MINDY4: variants seen among roughly 807,000 people sequenced by gnomAD.
MINDY4 encodes probable ubiquitin carboxyl-terminal hydrolase MINDY-4.
Under a neutral mutation model 87.0 loss-of-function variants are expected in MINDY4, and 68 were observed. The ratio of observed to expected loss-of-function variants is 0.78; its 90% CI spans 0.64 to 0.96. The LOEUF (loss-of-function observed/expected upper bound fraction) is 0.96, where lower values mean the gene tolerates loss of function less well. MINDY4 is among the 40% of genes least tolerant of loss of function. MINDY4 has a pLI of 0.00. For missense variants in MINDY4, 919 were observed against 928.2 expected (o/e 0.99, Z 0.13); for synonymous variants, 379 against 363.2 (o/e 1.04, Z -0.50).
intron 5 of MINDY4, among the ~76,000 whole-genome samples, chr7:30,808,116 G>T (rs1232383602): frequency 6.6e-6 from 1 of 152,190 alleles, no homozygotes; most frequent in Non-Finnish European, 1.5e-5. Flanking sequence ...TCCTGAGAGC[G>T]CTCCCGGGTA....
rs1217171661 is a variant in MINDY4, at chr7:30,771,517, G to A, written c.24G>A (p.Glu8=). The change falls in exon 1 of 18, where the codon GAG becomes GAA. Residue 8 remains glutamate (E), a synonymous_variant. Transcript: ENST00000265299. MDSLFVE[E]VAASLVREFL... ...CCATGGACAGCCTCTTCGTGGAGGA[G>A]GTGGCCGCCTCCTTGGTCAGGGAGT... 6.2e-7 allele frequency: 1 copy of A among 1,605,758 alleles called. No homozygotes were observed. The highest frequency in any genetic ancestry group is 1.7e-5 in the Admixed American group (1 of 58,702).
Position 30,771,451 on chromosome 7 carries a change from GC to G in MINDY4, c.-42del, listed in dbSNP as rs1786629142. 5.1e-6 allele frequency: 8 copies of G among 1,582,004 alleles called. No homozygotes were observed. In the South Asian group the frequency reaches 8.1e-5, roughly 16 times the overall value. ...CGGACAGACCCAGTTGCCTGGTGCT[GC>G]GGCCCGGCGTGGGCCTCGTGGGCAG... is the stretch of plus-strand genomic sequence containing the variant. On this transcript the variant is annotated 5_prime_UTR_variant, in exon 1 of 18. Coordinates refer to ENST00000265299, the MANE Select transcript of MINDY4 (RefSeq NM_032222.3).
At chr7:30,795,564 C>A (rs1787461743) in intron 5 of MINDY4, among the ~76,000 whole-genome samples, 1 of 152,174 alleles carries the variant, frequency 6.6e-6, no homozygotes, top group African/African-American at 2.4e-5. Flanking sequence ...GACCAGATGA[C>A]CTGACAGTAT....
At chr7:30,837,033 C>T (rs1057450020) in intron 7 of MINDY4, among the ~76,000 whole-genome samples, 7 of 152,160 alleles carry the variant, frequency 4.6e-5, no homozygotes, top group Admixed American at 3.9e-4. Flanking sequence ...AGAGCTGCTT[C>T]ATCATGTCCC....
At chr7:30,773,347 G>A (rs1786702649) in intron 1 of MINDY4, among the ~76,000 whole-genome samples, 2 of 152,132 alleles carry the variant, frequency 1.3e-5, no homozygotes, top group African/African-American at 2.4e-5. Flanking sequence ...GTGAGACCAG[G>A]AGGCCAAGAA....
intron 1 of MINDY4, among the ~76,000 whole-genome samples, chr7:30,773,151 T>C (rs1443601328): frequency 6.6e-6 from 1 of 152,242 alleles, no homozygotes; most frequent in Non-Finnish European, 1.5e-5. Context: ...CATCGCCTTC[T>C]GCTCTAGGGC....
rs539085891 is a variant in MINDY4 at position 30,862,012 on chromosome 7, C to T, written c.1745+2688C>T. 2.0e-5 allele frequency among the ~76,000 whole-genome samples: 3 copies of T among 152,330 alleles called. No homozygotes were observed. In the East Asian group the frequency reaches 5.8e-4, roughly 29 times the overall value. Reference sequence around the variant, plus strand: ...TTCAGAGGTGTACTTGAGAAGACACCCAGCTCTCTCTGATTTGTTCAAGTT... The same window carrying T: ...TTCAGAGGTGTACTTGAGAAGACACTCAGCTCTCTCTGATTTGTTCAAGTT... On this transcript the variant is annotated intron_variant, in intron 13 of 17. Transcript: ENST00000265299.
At chr7:30,836,187 A>G (rs1191496697) in intron 6 of MINDY4, among the ~76,000 whole-genome samples, 1 of 152,246 alleles carries the variant, frequency 6.6e-6, no homozygotes, top group African/African-American at 2.4e-5. Context: ...ATTATATGCA[A>G]TAATTATTTT....
intron 5 of MINDY4, among the ~76,000 whole-genome samples, chr7:30,823,289 C>T (rs1197976462): frequency 1.3e-5 from 2 of 152,158 alleles, no homozygotes; most frequent in Non-Finnish European, 2.9e-5. Flanking sequence ...AAAAACCTTC[C>T]ATCCAGTTGT....
At chr7:30,869,926 C>A (rs1022307795) in intron 13 of MINDY4, among the ~76,000 whole-genome samples, 2 of 152,178 alleles carry the variant, frequency 1.3e-5, no homozygotes, top group Admixed American at 1.3e-4. Flanking sequence ...CTCAAGGACT[C>A]CTCACACTCA....
At chr7:30,836,211 C>T (rs1030197839) in intron 6 of MINDY4, among the ~76,000 whole-genome samples, 1 of 152,210 alleles carries the variant, frequency 6.6e-6, no homozygotes, top group African/African-American at 2.4e-5. Context: ...AGCAATGGTT[C>T]CATTTTCTTT....
intron 17 of MINDY4, among the ~76,000 whole-genome samples, chr7:30,891,262 G>A (rs554202029): frequency 1.3e-5 from 2 of 152,238 alleles, no homozygotes; most frequent in Admixed American, 6.5e-5. Flanking sequence ...AGTGTTTTTA[G>A]AAAATTAGCA....
At chr7:30,871,651 G>C (rs1371530884) in intron 13 of MINDY4, among the ~76,000 whole-genome samples, 1 of 152,228 alleles carries the variant, frequency 6.6e-6, no homozygotes, top group Non-Finnish European at 1.5e-5. Context: ...AGTGGTACCA[G>C]GGGGTGGGGG....
At chr7:30,784,821 A>G (rs6976222) in intron 3 of MINDY4, among the ~76,000 whole-genome samples, 90,499 of 151,948 alleles carry the variant, frequency 0.6, 27,482 homozygotes, top group South Asian at 0.74. Context: ...CTGACATGCC[A>G]CAATCACAGC....
intron 5 of MINDY4, among the ~76,000 whole-genome samples, chr7:30,809,561 A>C (rs1210284315): frequency 2.0e-5 from 3 of 152,052 alleles, no homozygotes; most frequent in African/African-American, 7.2e-5. Context: ...AAAAAAAAAA[A>C]AGCCATCTAT....
rs577359036 is a variant in MINDY4, at chr7:30,883,907, C to T, written c.2225+914C>T. Among the ~76,000 whole-genome samples, 14 of 152,166 alleles carry T rather than the reference C, an allele frequency of 9.2e-5. 1 individual carries two copies. In the South Asian group the frequency reaches 2.9e-3, roughly 32 times the overall value. The stretch of plus-strand genomic sequence containing the variant: ...GCCACTGGACCTCACCTTCCTGCAC[C>T]CCACTTTGTCATCTGTAAAATGGGG... On this transcript the variant is annotated intron_variant, in intron 17 of 17. Transcript: ENST00000265299.
In MINDY4 at chr7:30,872,344, C is replaced by G. The variant is rs200610055; in HGVS notation, c.1809+38C>G. On this transcript the variant is annotated intron_variant, in intron 14 of 17. Transcript: ENST00000265299. ...TGTGGGGCCCAGGTGGTCCTTCCCC[C>G]TCCTCTGTCCCTCAGAGAGGGAGAG... 4.4e-5 allele frequency: 70 copies of G among 1,591,446 alleles called. No individual in the cohort carries two copies. In the African/African-American group the frequency reaches 8.3e-4, roughly 19 times the overall value.
chr7:30,806,882 C>A (rs1267521863), intron 5 of MINDY4, among the ~76,000 whole-genome samples: 1 of 152,214 alleles, frequency 6.6e-6, no homozygotes, highest in Non-Finnish European at 1.5e-5. Flanking sequence ...CTTGCCTAGG[C>A]CCATGTGGCT....
rs1368656723 is a variant in MINDY4 at position 30,872,292 on chromosome 7, GGCTACTGT to G, written c.1796_1803del (p.Gly599AspfsTer23). On this transcript the variant is annotated frameshift_variant, in exon 14 of 18. Coordinates refer to ENST00000265299, the MANE Select transcript of MINDY4 (RefSeq NM_032222.3). LOFTEE classifies it high-confidence loss of function. ...CACCAGCCACCTGATTGGAGCACAT[GGCTACTGT>G]ACACAGGTCAGGGGGCGCTGTGGGG... is the stretch of plus-strand genomic sequence containing the variant. 6.2e-7 allele frequency: 1 copy of G among 1,614,144 alleles called. No individual in the cohort carries two copies. The highest frequency in any genetic ancestry group is 1.1e-5 in the South Asian group (1 of 91,062).
Sources: gnomAD v4.1 joint callset for allele counts (sites outside exome capture counted in the v4.1 genomes callset) on GRCh38, gnomAD v4.1.1 for gene constraint, MANE v1.5 for transcripts, NCBI Gene and HGNC (gene_info 2026-07-23, HGNC 2026-07-21) for gene names.